The following TPM3 variants were observed in gnomAD, a reference collection of about 807,000 sequenced individuals.
TPM3 encodes the protein tropomyosin 3.
In TPM3, 16 loss-of-function variants were observed where a neutral mutation model predicts 43.1. That is an observed-to-expected ratio of 0.37 (90% confidence interval 0.25 to 0.56). The LOEUF is 0.56. Among genes scored for constraint, TPM3 ranks in the 20% least tolerant of loss-of-function variants. The pLI is 0.77. For synonymous variants in TPM3, 101 were observed against 116.9 expected, an observed-to-expected ratio of 0.86 and a Z score of 0.88; for missense variants, 176 against 337.2, an observed-to-expected ratio of 0.52 and a Z score of 3.74.
At position 154,165,782 on chromosome 1, in the gene TPM3, T is replaced by TC. The variant is rs1660877509; in HGVS notation, c.*2154dup. 8.0e-6 allele frequency among the ~76,000 whole-genome samples: 1 copy of TC among 125,048 alleles called. No individual in the cohort carries two copies. Among genetic ancestry groups the TC allele is most frequent in the Admixed American group, 9.1e-5 (1 of 11,046 alleles). 82.0% of individuals were successfully genotyped at this position (125,048 alleles called of 152,430 possible). A position where few individuals can be genotyped will look rare whatever the true frequency, so the allele number is the denominator to read the frequency against. On this transcript the variant is annotated 3_prime_UTR_variant, in exon 10 of 10. Transcript: ENST00000651641. Reference sequence around the variant, plus strand: ...CCAGCCTAGGTGACAAGAGTCAAACTCCGTCTCAAAAAAAAAAAAAAAAAG... The same window carrying TC: ...CCAGCCTAGGTGACAAGAGTCAAACTCCCGTCTCAAAAAAAAAAAAAAAAAG...
intron 2 of TPM3, among the ~76,000 whole-genome samples, chr1:154,180,409 C>A (rs539650871): frequency 6.6e-6 from 1 of 152,318 alleles, no homozygotes; most frequent in African/African-American, 2.4e-5. Context: ...CCCTCCCTTC[C>A]CACAGGTGTC....
At chr1:154,176,932 T>C (rs538847515) in intron 2 of TPM3, among the ~76,000 whole-genome samples, 6 of 149,780 alleles carry the variant, frequency 4.0e-5, no homozygotes, top group Admixed American at 6.7e-5. Flanking sequence ...TGAGCTGAGA[T>C]TGCGCCACTA....
chr1:154,166,574 C>G lies in TPM3; in HGVS notation c.*1363G>C. The G allele has an allele frequency of 9.5e-7, 1 of 1,053,664 alleles. No homozygotes were observed. Among genetic ancestry groups the G allele is most frequent in the Non-Finnish European group, 1.1e-6 (1 of 871,990 alleles). 65.3% of individuals were successfully genotyped at this position (1,053,664 alleles called of 1,614,324 possible). A position where few individuals can be genotyped will look rare whatever the true frequency, so the allele number is the denominator to read the frequency against. On this transcript the variant is annotated 3_prime_UTR_variant, in exon 10 of 10. Coordinates refer to ENST00000651641, the MANE Select transcript of TPM3 (RefSeq NM_152263.4). ...CTAAAAGAAAAGCAAATTTTAAATA[C>G]ATACCCTGCTGGGAAACTAAAGTAC...
chr1:154,179,610 C>T (rs1163548555), intron 2 of TPM3, among the ~76,000 whole-genome samples: 4 of 152,194 alleles, frequency 2.6e-5, no homozygotes, highest in African/African-American at 7.2e-5. Flanking sequence ...CCCCCAGTGC[C>T]GATACTCGCC....
At chr1:154,169,591 A>G in intron 8 of TPM3, 1 of 608,496 alleles carries the variant, frequency 1.6e-6, no homozygotes, top group Non-Finnish European at 2.9e-6. Context: ...GATACTCCAA[A>G]TCGACTGCAG....
chr1:154,163,399 C>T lies in TPM3; in HGVS notation c.*4538G>A, dbSNP rs1262359721. On this transcript the variant is annotated 3_prime_UTR_variant, in exon 10 of 10. Transcript: ENST00000651641. ...TGCCTATATAATCTTCCTACCAATA[C>T]ACTCTTTTGCCCCTGAAAATGACTC... is the stretch of plus-strand genomic sequence containing the variant. Among the ~76,000 whole-genome samples the T allele has an allele frequency of 1.3e-5, 2 of 152,166 alleles. No individual in the cohort carries two copies. The highest frequency in any genetic ancestry group is 3.9e-4 in the East Asian group (2 of 5,194).
In TPM3 at chr1:154,168,657, G is replaced by C. The variant is rs368006620; in HGVS notation, c.854+648C>G. Among the ~76,000 whole-genome samples, 28 of 152,028 alleles carry C rather than the reference G, an allele frequency of 1.8e-4. No homozygotes were observed. In the East Asian group the frequency reaches 5.2e-3, roughly 28 times the overall value. On this transcript the variant is annotated intron_variant, in intron 9 of 9. Transcript: ENST00000651641. ...CTGCCTTAGCCTCCCGAGTAGTTGG[G>C]ATTATAGACATGCGCCACCAAGCCC...
intron 2 of TPM3, among the ~76,000 whole-genome samples, chr1:154,185,261 A>T (rs1213956940): frequency 1.3e-5 from 2 of 150,508 alleles, no homozygotes; most frequent in Non-Finnish European, 2.9e-5. Flanking sequence ...AGTTCCAGCT[A>T]TTCAGGGAGG....
chr1:154,183,194 A>C, intron 2 of TPM3: 1 of 1,588,518 alleles, frequency 6.3e-7, no homozygotes, highest in Middle Eastern at 2.3e-4. Flanking sequence ...TCTCACCCTT[A>C]CTTCCGCCTG....
At chr1:154,183,160 C>T (rs1367764622) in intron 2 of TPM3, 13 of 1,597,428 alleles carry the variant, frequency 8.1e-6, no homozygotes, top group Non-Finnish European at 9.3e-6. Context: ...GTTCCTGCCT[C>T]CTCCGCTCGG....
In TPM3 at chr1:154,163,539, GC is replaced by G. The variant is rs1289546692; in HGVS notation, c.*4397del. Among the ~76,000 whole-genome samples, 1 of 152,050 alleles carries G rather than the reference GC, an allele frequency of 6.6e-6. No individual in the cohort carries two copies. The highest frequency in any genetic ancestry group is 1.5e-5 in the Non-Finnish European group (1 of 68,004). ...CTCTCTGTTGAAAAACCACTAGAAA[GC>G]ATCCAACCCGGAACTTTTTAAAGAA... On this transcript the variant is annotated 3_prime_UTR_variant, in exon 10 of 10. Coordinates refer to ENST00000651641, the MANE Select transcript of TPM3 (RefSeq NM_152263.4).
intron 5 of TPM3, chr1:154,172,197 G>T: frequency 1.7e-6 from 2 of 1,152,218 alleles, no homozygotes; most frequent in South Asian, 1.3e-5. Context: ...GCAGCAAAAC[G>T]AAAAAAAAAA....
chr1:154,164,112 C>T lies in TPM3; in HGVS notation c.*3825G>A, dbSNP rs1487582436. On this transcript the variant is annotated 3_prime_UTR_variant, in exon 10 of 10. Transcript: ENST00000651641. ...CAGCCGTATCTTCTTTCCCTTCCCC[C>T]AGCTCCCCAAACCAGGACAACATGA... 1.4e-4 allele frequency among the ~76,000 whole-genome samples: 22 copies of T among 152,064 alleles called. No individual in the cohort carries two copies. The highest frequency in any genetic ancestry group is 2.9e-5 in the Non-Finnish European group (2 of 68,022).
chr1:154,155,335 A>G (rs996877759), downstream of TPM3: 9 of 429,944 alleles, frequency 2.1e-5, no homozygotes, highest in African/African-American at 1.6e-4. Flanking sequence ...AATTTCTTCC[A>G]GTTTTAATTT....
At chr1:154,168,434 A>G (rs1257393979) in intron 9 of TPM3, among the ~76,000 whole-genome samples, 3 of 152,226 alleles carry the variant, frequency 2.0e-5, no homozygotes, top group Non-Finnish European at 2.9e-5. Context: ...AGCAAATAGA[A>G]AAATCACAGT....
intron 5 of TPM3, chr1:154,172,208 ATTC>A: frequency 8.6e-7 from 1 of 1,161,224 alleles, no homozygotes; most frequent in Non-Finnish European, 1.3e-6. Flanking sequence ...AAAAAAAAAA[ATTC>A]AAAAAATGGG....
chr1:154,165,373 G>A lies in TPM3; in HGVS notation c.*2564C>T, dbSNP rs1342971204. ...CTCCATCCAGCCTGGGTGACAGAGC[G>A]AGACTCCATCTCAAAAAGAGAAAAA... On this transcript the variant is annotated 3_prime_UTR_variant, in exon 10 of 10. Transcript: ENST00000651641. Among the ~76,000 whole-genome samples the A allele has an allele frequency of 2.6e-5, 4 of 151,834 alleles. No individual in the cohort carries two copies. Among genetic ancestry groups the A allele is most frequent in the Admixed American group, 2.0e-4 (3 of 15,224 alleles).
intron 2 of TPM3, among the ~76,000 whole-genome samples, chr1:154,182,662 G>T (rs1443979062): frequency 6.6e-6 from 1 of 152,180 alleles, no homozygotes. Flanking sequence ...GGGGGAGGGA[G>T]AAGCCGCTGA....
chr1:154,171,816 C>A, intron 5 of TPM3: 1 of 664,870 alleles, frequency 1.5e-6, no homozygotes, highest in Non-Finnish European at 2.6e-6. Flanking sequence ...CCCAAATCAC[C>A]CAAAGGAAGG....
Sources: allele counts gnomAD v4.1 joint callset (sites outside exome capture counted in the v4.1 genomes callset), GRCh38; gene constraint gnomAD v4.1.1; transcripts MANE v1.5; gene names NCBI Gene and HGNC (gene_info 2026-07-23, HGNC 2026-07-21).